GFRA2: variants seen among roughly 807,000 people sequenced by gnomAD.
GFRA2 encodes the protein GDNF family receptor alpha 2, also known as GDNF family receptor alpha-2.
GFRA2 carries 17 observed loss-of-function variants against 48.3 expected under a neutral mutation model. That is an observed-to-expected ratio of 0.35 (90% CI 0.24 to 0.53). The LOEUF is 0.53. Ranked by LOEUF, GFRA2 falls within the 20% of genes least tolerant of loss-of-function variation. GFRA2 has a pLI of 0.93. For missense variants in GFRA2, 660 were observed against 637.3 expected, an observed-to-expected ratio of 1.04 and a Z score of -0.38; for synonymous variants, 305 against 257.2, an observed-to-expected ratio of 1.19 and a Z score of -1.78.
chr8:21,807,885 GA>G (rs2117121536), intron 1 of GFRA2, among the ~76,000 whole-genome samples: 1 of 152,344 alleles, frequency 6.6e-6, no homozygotes, highest in Non-Finnish European at 1.5e-5. Context: ...GCCAATGCTA[GA>G]AGCATAAAAT....
At chr8:21,743,493 C>T (rs1011383259) in intron 4 of GFRA2, among the ~76,000 whole-genome samples, 2 of 152,184 alleles carry the variant, frequency 1.3e-5, no homozygotes, top group Non-Finnish European at 2.9e-5. Context: ...TAGTGGGGCT[C>T]CTCTCCCACC....
At chr8:21,798,914 C>G (rs937004530) in intron 2 of GFRA2, among the ~76,000 whole-genome samples, 20 of 152,208 alleles carry the variant, frequency 1.3e-4, no homozygotes, top group African/African-American at 4.8e-4. Context: ...GTCTCCCATT[C>G]TTATCTGTAC....
intron 1 of GFRA2, among the ~76,000 whole-genome samples, chr8:21,785,827 C>T (rs1232617843): frequency 1.3e-5 from 2 of 152,168 alleles, no homozygotes; most frequent in African/African-American, 2.4e-5. Flanking sequence ...TAGGGGCACA[C>T]CAAAGGCCTT....
chr8:21,735,221 G>C (rs553616789), intron 4 of GFRA2, among the ~76,000 whole-genome samples: 10 of 152,200 alleles, frequency 6.6e-5, no homozygotes, highest in African/African-American at 1.4e-4. Context: ...AAATTTTCAG[G>C]GTTCACAAAG....
intron 4 of GFRA2, among the ~76,000 whole-genome samples, chr8:21,726,223 G>T (rs944474161): frequency 6.6e-6 from 1 of 152,096 alleles, no homozygotes; most frequent in Non-Finnish European, 1.5e-5. Context: ...CCCATTTCCA[G>T]ATCTTCCTTA....
intron 3 of GFRA2, among the ~76,000 whole-genome samples, chr8:21,754,508 T>TC (rs200641510): frequency 6.3e-5 from 9 of 142,604 alleles, no homozygotes; most frequent in Non-Finnish European, 1.1e-4. Flanking sequence ...TTTTTTTCTT[T>TC]TTTTTTTTTT....
At chr8:21,705,575 T>C (rs1445565830) in intron 5 of GFRA2, among the ~76,000 whole-genome samples, 4 of 152,188 alleles carry the variant, frequency 2.6e-5, no homozygotes, top group African/African-American at 7.2e-5. Flanking sequence ...ATGGAGATTA[T>C]CAGCACCCCG....
upstream of GFRA2, among the ~76,000 whole-genome samples, chr8:21,791,898 G>T (rs775635920): frequency 6.6e-5 from 10 of 152,208 alleles, no homozygotes; most frequent in Non-Finnish European, 1.2e-4. Context: ...ATAGGAAAAT[G>T]TGAAGTCTCT....
intron 3 of GFRA2, among the ~76,000 whole-genome samples, chr8:21,759,888 CAA>C (rs35385607): frequency 2.9e-3 from 300 of 105,094 alleles, no homozygotes; most frequent in African/African-American, 7.9e-3. Flanking sequence ...GATTGCGTCT[CAA>C]AAAAAAAAAA....
At chr8:21,756,220 T>C (rs919503620) in intron 3 of GFRA2, among the ~76,000 whole-genome samples, 2 of 152,344 alleles carry the variant, frequency 1.3e-5, no homozygotes, top group East Asian at 3.9e-4. Context: ...TGGCTTCCAT[T>C]TGGAGCTTGA....
At position 21,785,185 on chromosome 8, in the gene GFRA2, T is replaced by A. The variant is rs1424910153; in HGVS notation, c.41-2286A>T. On this transcript the variant is annotated intron_variant, in intron 1 of 8. Coordinates refer to ENST00000524240, the MANE Select transcript of GFRA2 (RefSeq NM_001495.5). Reference sequence around the variant, plus strand: ...AGATTAGCCCAGGGGATTCAGGGCATAAGGACGCTTTTTTTGCTTGTCCTA... The same window carrying A: ...AGATTAGCCCAGGGGATTCAGGGCAAAAGGACGCTTTTTTTGCTTGTCCTA... Among the ~76,000 whole-genome samples the A allele has an allele frequency of 5.3e-5, 8 of 152,332 alleles. No individual in the cohort carries two copies. The East Asian group carries it at 1.5e-3, about 29-fold the overall frequency.
At chr8:21,730,425 T>C (rs1023663919) in intron 4 of GFRA2, among the ~76,000 whole-genome samples, 1 of 151,456 alleles carries the variant, frequency 6.6e-6, no homozygotes, top group African/African-American at 2.4e-5. Flanking sequence ...AGGTTACCCA[T>C]CCTCTCGCAA....
At chr8:21,808,175 G>A (rs1030591338) in intron 1 of GFRA2, among the ~76,000 whole-genome samples, 6 of 152,138 alleles carry the variant, frequency 3.9e-5, no homozygotes, top group Non-Finnish European at 5.9e-5. Context: ...TTCTCTGGGG[G>A]AAGGGCTCAT....
chr8:21,718,242 T>C (rs972705412), intron 4 of GFRA2, among the ~76,000 whole-genome samples: 3 of 152,168 alleles, frequency 2.0e-5, no homozygotes, highest in Admixed American at 2.0e-4. Flanking sequence ...TGGTTATTAT[T>C]AGGGGCAGTT....
At chr8:21,704,897 C>T (rs1436137432) in intron 6 of GFRA2, 88 bp downstream of exon 6, 10 of 1,036,760 alleles carry the variant, frequency 9.6e-6, no homozygotes, top group Admixed American at 1.9e-5. Flanking sequence ...CACCAGCCAT[C>T]CCCACGGAAG....
At chr8:21,756,236 G>A (rs1805563880) in intron 3 of GFRA2, among the ~76,000 whole-genome samples, 2 of 152,228 alleles carry the variant, frequency 1.3e-5, no homozygotes, top group South Asian at 2.1e-4. Flanking sequence ...CTTGAATAGT[G>A]AAAGCTTTTG....
At chr8:21,710,496 A>G (rs982905299) in intron 4 of GFRA2, among the ~76,000 whole-genome samples, 3 of 151,996 alleles carry the variant, frequency 2.0e-5, no homozygotes, top group Middle Eastern at 6.3e-3. Flanking sequence ...CTCCTGTTCT[A>G]CCATACCCCA....
intron 3 of GFRA2, among the ~76,000 whole-genome samples, chr8:21,759,719 T>C (rs1287765732): frequency 6.6e-6 from 1 of 151,476 alleles, no homozygotes; most frequent in Non-Finnish European, 1.5e-5. Flanking sequence ...TGAAACCCCA[T>C]CTCTACTAAA....
intron 2 of GFRA2, among the ~76,000 whole-genome samples, chr8:21,779,386 G>A (rs1806862572): frequency 1.3e-5 from 2 of 152,060 alleles, no homozygotes. Context: ...GACATGGGAA[G>A]GGCTGTTGGT....
Sources: allele counts gnomAD v4.1 joint callset (sites outside exome capture counted in the v4.1 genomes callset), GRCh38; gene constraint gnomAD v4.1.1; transcripts MANE v1.5; gene names NCBI Gene and HGNC (gene_info 2026-07-23, HGNC 2026-07-21).